Variants in NBEA observed in about 807,000 individuals in gnomAD.
NBEA encodes the protein neurobeachin, also known as lysosomal-trafficking regulator 2.
Under a neutral mutation model 343.4 loss-of-function variants are expected in NBEA, and 44 were observed. That is an observed-to-expected ratio of 0.13 (90% CI 0.10 to 0.16). The LOEUF is 0.16. Ranked by LOEUF, NBEA falls within the 10% of genes least tolerant of loss-of-function variation. The pLI is 1.00. For missense variants in NBEA, 2,555 were observed against 3,631.3 expected, an observed-to-expected ratio of 0.70 and a Z score of 7.62; for synonymous variants, 1,175 against 1,238.7, an observed-to-expected ratio of 0.95 and a Z score of 1.08.
chr13:35,282,474 G>T (rs1343291326), intron 34 of NBEA, among the ~76,000 whole-genome samples: 1 of 152,108 alleles, frequency 6.6e-6, no homozygotes, highest in Admixed American at 6.6e-5. Context: ...AAATTTCAAG[G>T]AGCTCAGAGA....
intron 33 of NBEA, among the ~76,000 whole-genome samples, chr13:35,215,991 T>G (rs1208037616): frequency 1.3e-5 from 2 of 151,534 alleles, no homozygotes; most frequent in Admixed American, 1.3e-4. Context: ...ATTTTAAAAA[T>G]TTTATTATTA....
chr13:35,297,115 C>G (rs2036185174), intron 35 of NBEA, among the ~76,000 whole-genome samples: 1 of 151,968 alleles, frequency 6.6e-6, no homozygotes, highest in Admixed American at 6.6e-5. Context: ...TCAGCATTCT[C>G]TCTTTTTTAC....
chr13:35,577,166 T>C (rs2080782054), intron 45 of NBEA, among the ~76,000 whole-genome samples: 1 of 152,186 alleles, frequency 6.6e-6, no homozygotes, highest in South Asian at 2.1e-4. Context: ...TCCCAGATAG[T>C]TGCAGCAAAG....
rs6650355 is a variant in NBEA at position 35,652,181 on chromosome 13, T to C, written c.8035+305T>C. The stretch of plus-strand genomic sequence containing the variant: ...TAACAGCTCAGTATTATTTAAAATA[T>C]AAGGATTCAAAAAGATTACTAAAGG... On this transcript the variant is annotated intron_variant, in intron 53 of 58. Transcript: ENST00000379939. Among the ~76,000 whole-genome samples the C allele has an allele frequency of 6.8e-4, 103 of 152,144 alleles. 1 individual carries two copies. The highest frequency in any genetic ancestry group is 2.4e-3 in the African/African-American group (100 of 41,510).
chr13:35,548,337 G>A (rs4497530), intron 41 of NBEA, among the ~76,000 whole-genome samples: 150,012 of 152,282 alleles, frequency 0.99, 73,919 homozygotes, highest in East Asian at 1. Flanking sequence ...TATAACTAAC[G>A]TAAAAACTGA....
rs563173468 is a variant in NBEA at position 35,433,571 on chromosome 13, T to C, written c.6304+1178T>C. On this transcript the variant is annotated intron_variant, in intron 39 of 58. Coordinates refer to ENST00000379939, the MANE Select transcript of NBEA (RefSeq NM_001385012.1). ...TTTCTTTTCCCAGTAAGCTATGAATTGCTATAACTTAATAAGCATCAAAAT... is the reference window on the plus strand; with the variant it reads ...TTTCTTTTCCCAGTAAGCTATGAATCGCTATAACTTAATAAGCATCAAAAT... Among the ~76,000 whole-genome samples, 9 of 152,124 alleles carry C rather than the reference T, an allele frequency of 5.9e-5. No individual in the cohort carries two copies. The South Asian group carries it at 1.7e-3, about 28-fold the overall frequency.
intron 10 of NBEA, among the ~76,000 whole-genome samples, chr13:35,086,342 G>A (rs953872939): frequency 2.0e-5 from 3 of 151,886 alleles, no homozygotes; most frequent in Non-Finnish European, 4.4e-5. Flanking sequence ...GCCCTACATT[G>A]TTGCAAACTA....
At chr13:34,987,290 G>A (rs1022733926) in intron 1 of NBEA, among the ~76,000 whole-genome samples, 5 of 150,950 alleles carry the variant, frequency 3.3e-5, no homozygotes, top group African/African-American at 1.2e-4. Flanking sequence ...ATTCTGGGTT[G>A]AAAATTCTTT....
chr13:35,396,272 G>A (rs2042740718), intron 38 of NBEA, among the ~76,000 whole-genome samples: 1 of 151,970 alleles, frequency 6.6e-6, no homozygotes, highest in Non-Finnish European at 1.5e-5. Context: ...TATAATTATT[G>A]ATGTGATTGG....
At chr13:35,633,059 C>T (rs954015579) in intron 49 of NBEA, among the ~76,000 whole-genome samples, 2 of 151,010 alleles carry the variant, frequency 1.3e-5, no homozygotes, top group Admixed American at 6.6e-5. Context: ...ACACACATTC[C>T]CAATTAAAAA....
chr13:35,374,353 G>A (rs528076872), intron 38 of NBEA, among the ~76,000 whole-genome samples: 1 of 152,274 alleles, frequency 6.6e-6, no homozygotes, highest in African/African-American at 2.4e-5. Context: ...TACAGTAGTA[G>A]CATCAAAGAT....
intron 1 of NBEA, among the ~76,000 whole-genome samples, chr13:35,039,661 T>C (rs1285453736): frequency 6.6e-6 from 1 of 152,214 alleles, no homozygotes; most frequent in Non-Finnish European, 1.5e-5. Context: ...CAATACTAAA[T>C]GCCATGTAAG....
chr13:35,511,395 A>C (rs918737660), intron 41 of NBEA, among the ~76,000 whole-genome samples: 4 of 152,190 alleles, frequency 2.6e-5, no homozygotes, highest in African/African-American at 9.6e-5. Context: ...ATAACATACA[A>C]CTCAGAACAC....
chr13:35,644,028 C>T lies in NBEA; in HGVS notation c.7618-1841C>T, dbSNP rs543682706. Among the ~76,000 whole-genome samples, 6 of 152,284 alleles carry T rather than the reference C, an allele frequency of 3.9e-5. No homozygotes were observed. In the South Asian group the frequency reaches 1.0e-3, roughly 26 times the overall value. ...AAGAAGTAGAACTTAAAGGAGACAG[C>T]ATGCTTTTCAAGATCAGAAAGATCT... is the stretch of plus-strand genomic sequence containing the variant. On this transcript the variant is annotated intron_variant, in intron 49 of 58. Transcript: ENST00000379939.
At chr13:34,964,252 T>C (rs1810240271) in intron 1 of NBEA, among the ~76,000 whole-genome samples, 1 of 151,990 alleles carries the variant, frequency 6.6e-6, no homozygotes, top group South Asian at 2.1e-4. Context: ...CACTGAGCTT[T>C]GGATGTTTAA....
At chr13:35,210,859 T>C (rs975630486) in intron 32 of NBEA, among the ~76,000 whole-genome samples, 194 bp from the exon 33 acceptor site, 1 of 152,302 alleles carries the variant, frequency 6.6e-6, no homozygotes, top group East Asian at 1.9e-4. Context: ...AGTAAATCAA[T>C]TAGATTTCAA....
chr13:35,487,124 A>C (rs990034775), intron 41 of NBEA, among the ~76,000 whole-genome samples: 3 of 151,908 alleles, frequency 2.0e-5, no homozygotes, highest in Admixed American at 2.0e-4. Flanking sequence ...TTTGATCATG[A>C]ATTTAAGTGC....
chr13:35,146,408 A>G (rs2068426658), intron 18 of NBEA, among the ~76,000 whole-genome samples: 1 of 152,106 alleles, frequency 6.6e-6, no homozygotes, highest in Admixed American at 6.6e-5. Flanking sequence ...ATTTCCTGCC[A>G]TGTCGAGTTA....
intron 31 of NBEA, among the ~76,000 whole-genome samples, chr13:35,205,810 T>A (rs1053387858): frequency 7.2e-5 from 11 of 152,224 alleles, no homozygotes; most frequent in South Asian, 2.1e-4. Context: ...ATGTGTTACC[T>A]CCTTTTATCT....
Sources: gnomAD v4.1 joint callset for allele counts (sites outside exome capture counted in the v4.1 genomes callset) on GRCh38, gnomAD v4.1.1 for gene constraint, MANE v1.5 for transcripts, NCBI Gene and HGNC (gene_info 2026-07-23, HGNC 2026-07-21) for gene names.